Variants in CDH12 observed in about 807,000 individuals in gnomAD.
The protein encoded by CDH12 is cadherin 12.
A neutral mutation model predicts 74.1 loss-of-function variants in CDH12; 41 were observed. The observed-to-expected ratio is 0.55, with a 90% CI of 0.43 to 0.72. CDH12 has a LOEUF of 0.72. Ranked by LOEUF, CDH12 falls within the 30% of genes least tolerant of loss-of-function variation. CDH12 has a pLI of 0.00. For missense variants in CDH12, 945 were observed against 977.2 expected (o/e 0.97, Z 0.44); for synonymous variants, 399 against 355.0 (o/e 1.12, Z -1.39).
At chr5:21,787,592 A>C (rs1289928646) in intron 10 of CDH12, among the ~76,000 whole-genome samples, 2 of 152,184 alleles carry the variant, frequency 1.3e-5, no homozygotes, top group Non-Finnish European at 2.9e-5. Flanking sequence ...GTAGTCTGGA[A>C]CCAAACCTGC....
chr5:21,790,346 C>G (rs1169361103), intron 10 of CDH12, among the ~76,000 whole-genome samples: 1 of 151,974 alleles, frequency 6.6e-6, no homozygotes, highest in Admixed American at 6.6e-5. Context: ...TTATGTGTTT[C>G]TGTATATCAA....
intron 3 of CDH12, among the ~76,000 whole-genome samples, chr5:22,314,300 C>T (rs1290516038): frequency 6.6e-6 from 1 of 152,122 alleles, no homozygotes; most frequent in Non-Finnish European, 1.5e-5. Context: ...CCACCAGTAC[C>T]TCAGAATGTA....
In CDH12 at chr5:22,716,403, G is replaced by C. The variant is rs184736596; in HGVS notation, c.-523+136655C>G. Among the ~76,000 whole-genome samples the C allele has an allele frequency of 1.1e-4, 17 of 148,342 alleles. No individual in the cohort carries two copies. In the East Asian group the frequency reaches 3.1e-3, roughly 27 times the overall value. ...ACTATCACCTAGTGACATTGCTGCT[G>C]TCATAACTTGCTGCAACGTACTACT... On this transcript the variant is annotated intron_variant, in intron 1 of 14. Coordinates refer to ENST00000382254, the MANE Select transcript of CDH12 (RefSeq NM_004061.5).
intron 3 of CDH12, among the ~76,000 whole-genome samples, chr5:22,336,646 A>C (rs544332831): frequency 5.3e-5 from 8 of 152,328 alleles, no homozygotes; most frequent in African/African-American, 1.9e-4. Flanking sequence ...TGAGCCTGCC[A>C]GTGCACACAA....
chr5:21,991,980 A>C (rs906777103), intron 5 of CDH12, among the ~76,000 whole-genome samples: 1 of 152,016 alleles, frequency 6.6e-6, no homozygotes, highest in Non-Finnish European at 1.5e-5. Flanking sequence ...CCATAGTGTG[A>C]AAATGAGTAA....
chr5:22,016,805 A>T (rs1349215222), intron 5 of CDH12, among the ~76,000 whole-genome samples: 3 of 152,216 alleles, frequency 2.0e-5, no homozygotes, highest in East Asian at 1.9e-4. Context: ...TCTGAAGTAA[A>T]CCTTTGCACT....
At chr5:21,883,250 T>C in intron 6 of CDH12, 2 of 1,353,098 alleles carry the variant, frequency 1.5e-6, no homozygotes, top group Non-Finnish European at 2.1e-6. Flanking sequence ...TGAAGTTTGA[T>C]TGAGGGTATA....
At chr5:22,344,943 G>A (rs547815248) in intron 3 of CDH12, among the ~76,000 whole-genome samples, 73 of 152,266 alleles carry the variant, frequency 4.8e-4, no homozygotes, top group African/African-American at 1.7e-3. Flanking sequence ...AAGTCACTTA[G>A]AAAAGTTATT....
At chr5:21,985,269 A>G (rs1365840857) in intron 5 of CDH12, among the ~76,000 whole-genome samples, 2 of 152,136 alleles carry the variant, frequency 1.3e-5, no homozygotes, top group East Asian at 1.9e-4. Flanking sequence ...TTATTGTTCT[A>G]TCTGTTTTAC....
intron 5 of CDH12, among the ~76,000 whole-genome samples, chr5:22,044,691 C>T (rs1219398206): frequency 6.6e-6 from 1 of 152,086 alleles, no homozygotes; most frequent in Admixed American, 6.6e-5. Context: ...GATAAACAGG[C>T]CAAAAACACA....
chr5:22,317,996 C>T (rs1421702558), intron 3 of CDH12, among the ~76,000 whole-genome samples: 4 of 152,202 alleles, frequency 2.6e-5, no homozygotes, highest in African/African-American at 9.6e-5. Context: ...AACCTGTCCT[C>T]ACAAGTTTTT....
At chr5:22,107,923 A>G (rs1364203449) in intron 4 of CDH12, among the ~76,000 whole-genome samples, 3 of 152,216 alleles carry the variant, frequency 2.0e-5, no homozygotes, top group Non-Finnish European at 4.4e-5. Flanking sequence ...CTATAAAGCA[A>G]TCAGAAGTAA....
chr5:21,879,603 A>C (rs1320467123), intron 6 of CDH12, among the ~76,000 whole-genome samples: 1 of 152,222 alleles, frequency 6.6e-6, no homozygotes, highest in East Asian at 1.9e-4. Flanking sequence ...ATTATACTAA[A>C]AGTATTTTTA....
chr5:22,610,805 AGAT>A (rs931395980), intron 1 of CDH12, among the ~76,000 whole-genome samples: 21 of 152,112 alleles, frequency 1.4e-4, no homozygotes, highest in Non-Finnish European at 4.4e-5. Context: ...ATATTAAAGA[AGAT>A]AAATATTTTG....
At chr5:22,495,624 A>G (rs1464155542) in intron 2 of CDH12, among the ~76,000 whole-genome samples, 2 of 152,216 alleles carry the variant, frequency 1.3e-5, no homozygotes, top group Non-Finnish European at 2.9e-5. Context: ...ATGCATATAC[A>G]TATATGCCAG....
At chr5:22,701,414 G>T (rs1263732176) in intron 1 of CDH12, among the ~76,000 whole-genome samples, 1 of 151,424 alleles carries the variant, frequency 6.6e-6, no homozygotes, top group Non-Finnish European at 1.5e-5. Context: ...ACAGCAATAA[G>T]ATTAAAAAAA....
chr5:22,189,784 T>C (rs1479897379), intron 4 of CDH12, among the ~76,000 whole-genome samples: 1 of 152,160 alleles, frequency 6.6e-6, no homozygotes, highest in Non-Finnish European at 1.5e-5. Flanking sequence ...TAGTGGCACA[T>C]GCAATGGCTT....
chr5:22,478,303 A>G lies in CDH12; in HGVS notation c.-428+26967T>C, dbSNP rs570977465. Among the ~76,000 whole-genome samples the G allele has an allele frequency of 2.8e-4, 42 of 151,156 alleles. No homozygotes were observed. In the East Asian group the frequency reaches 3.2e-3, roughly 11 times the overall value. ...CGAGGTGGCGGGCGCCTGTAGTCCC[A>G]GCTACTCGGGAGGCTGAGGCAGGAG... is the stretch of plus-strand genomic sequence containing the variant. On this transcript the variant is annotated intron_variant, in intron 2 of 14. Coordinates refer to ENST00000382254, the MANE Select transcript of CDH12 (RefSeq NM_004061.5).
At chr5:22,006,773 C>T (rs1370406110) in intron 5 of CDH12, among the ~76,000 whole-genome samples, 1 of 152,146 alleles carries the variant, frequency 6.6e-6, no homozygotes, top group Non-Finnish European at 1.5e-5. Context: ...GTAACTAGCA[C>T]ATTAGGTCGC....
Sources: gnomAD v4.1 joint callset for allele counts (sites outside exome capture counted in the v4.1 genomes callset) on GRCh38, gnomAD v4.1.1 for gene constraint, MANE v1.5 for transcripts, NCBI Gene and HGNC (gene_info 2026-07-23, HGNC 2026-07-21) for gene names.